Variants in MYOF observed in about 807,000 individuals in gnomAD.
MYOF encodes the protein fer-1-like 3, myoferlin.
A neutral mutation model predicts 284.2 loss-of-function variants in MYOF; 244 were observed. The observed-to-expected ratio is 0.86, with a 90% CI of 0.77 to 0.95. MYOF has a LOEUF of 0.95. Ranked by LOEUF, MYOF falls within the 40% of genes least tolerant of loss-of-function variation. The pLI is 0.00. For synonymous variants in MYOF, 904 were observed against 919.7 expected, an observed-to-expected ratio of 0.98 and a Z score of 0.31; for missense variants, 2,496 against 2,560.6, an observed-to-expected ratio of 0.97 and a Z score of 0.54.
intron 9 of MYOF, among the ~76,000 whole-genome samples, chr10:93,403,822 C>CA (rs1320669122): frequency 6.6e-6 from 1 of 152,158 alleles, no homozygotes; most frequent in African/African-American, 2.4e-5. Flanking sequence ...ATGGCAGCTT[C>CA]AGGGCATCTT....
At chr10:93,412,554 C>G (rs563716984) in intron 5 of MYOF, among the ~76,000 whole-genome samples, 1 of 152,278 alleles carries the variant, frequency 6.6e-6, no homozygotes, top group East Asian at 1.9e-4. Flanking sequence ...GTCCCGCTCT[C>G]TCCTACCCGC....
chr10:93,358,758 T>A (rs1049279317), intron 29 of MYOF, among the ~76,000 whole-genome samples: 1 of 152,080 alleles, frequency 6.6e-6, no homozygotes, highest in African/African-American at 2.4e-5. Context: ...ATGAGAACAC[T>A]TGGACACAGG....
rs376900801 is a variant in MYOF, at chr10:93,349,804, G to C, written c.4083+4C>G. ...TGGGTGATCACAGAGAATCGATACTGTACCACTTTCATGAAGAGAACAGAA... is the reference window on the plus strand; with the variant it reads ...TGGGTGATCACAGAGAATCGATACTCTACCACTTTCATGAAGAGAACAGAA... On this transcript the variant is annotated splice_donor_region_variant and intron_variant, in intron 36 of 53. Transcript: ENST00000359263. 4.1e-5 allele frequency: 66 copies of C among 1,613,864 alleles called. No homozygotes were observed. Among genetic ancestry groups the C allele is most frequent in the Non-Finnish European group, 5.1e-5 (60 of 1,179,924 alleles).
chr10:93,362,637 G>A (rs1845131036), intron 27 of MYOF, among the ~76,000 whole-genome samples: 1 of 152,086 alleles, frequency 6.6e-6, no homozygotes, highest in African/African-American at 2.4e-5. Context: ...ATTGACTTAA[G>A]TTTGCATAAA....
chr10:93,308,617 C>T (rs12242553), intron 53 of MYOF, among the ~76,000 whole-genome samples: 9,468 of 150,434 alleles, frequency 0.063, 976 homozygotes, highest in African/African-American at 0.21. Flanking sequence ...TGACCAGCTA[C>T]GACTGTATAA....
chr10:93,362,513 G>C (rs781657808), intron 27 of MYOF, among the ~76,000 whole-genome samples: 3 of 152,158 alleles, frequency 2.0e-5, no homozygotes, highest in Non-Finnish European at 2.9e-5. Context: ...CCGAAGTGCT[G>C]GGATTACAGG....
chr10:93,375,146 G>A (rs1845778103), intron 22 of MYOF, among the ~76,000 whole-genome samples, 191 bp from the exon 23 acceptor site: 1 of 152,186 alleles, frequency 6.6e-6, no homozygotes, highest in African/African-American at 2.4e-5. Context: ...AGACCTGCCG[G>A]TCTCTTGATG....
intron 1 of MYOF, among the ~76,000 whole-genome samples, chr10:93,467,582 T>C (rs2057040840): frequency 6.6e-6 from 1 of 152,102 alleles, no homozygotes; most frequent in Non-Finnish European, 1.5e-5. Context: ...CTCAGGGATC[T>C]AGAACTAGAA....
chr10:93,404,711 G>A (rs1847473390), intron 7 of MYOF, among the ~76,000 whole-genome samples: 1 of 151,444 alleles, frequency 6.6e-6, no homozygotes, highest in African/African-American at 2.4e-5. Flanking sequence ...ATCAAAATGA[G>A]CGCTTAGAGC....
At chr10:93,453,917 T>G (rs1268958347) in intron 2 of MYOF, among the ~76,000 whole-genome samples, 1 of 151,994 alleles carries the variant, frequency 6.6e-6, no homozygotes, top group African/African-American at 2.4e-5. Context: ...GCGCAGTGGC[T>G]CATGCCTGTA....
intron 5 of MYOF, among the ~76,000 whole-genome samples, chr10:93,422,975 C>G (rs1848419549): frequency 6.6e-6 from 1 of 151,870 alleles, no homozygotes; most frequent in Admixed American, 6.6e-5. Context: ...TATTTTGGCT[C>G]TTGGAATGGA....
chr10:93,324,963 A>G (rs1209839012), intron 46 of MYOF, among the ~76,000 whole-genome samples: 1 of 152,002 alleles, frequency 6.6e-6, no homozygotes, highest in Non-Finnish European at 1.5e-5. Context: ...TATTTTTAGT[A>G]GAGACAGGGT....
At chr10:93,457,568 T>C (rs2056772731) in intron 1 of MYOF, among the ~76,000 whole-genome samples, 1 of 152,186 alleles carries the variant, frequency 6.6e-6, no homozygotes, top group Admixed American at 6.6e-5. Flanking sequence ...GCCTGGACAG[T>C]ACACCTACCT....
At chr10:93,379,660 G>A (rs1182370554) in intron 21 of MYOF, among the ~76,000 whole-genome samples, 2 of 152,124 alleles carry the variant, frequency 1.3e-5, no homozygotes, top group Non-Finnish European at 1.5e-5. Context: ...CAGAGCAACC[G>A]GGGGTAAGAG....
At chr10:93,448,474 T>C (rs74150240) in intron 3 of MYOF, among the ~76,000 whole-genome samples, 8,676 of 152,278 alleles carry the variant, frequency 0.057, 673 homozygotes, top group African/African-American at 0.17. Context: ...TTAGTGTATT[T>C]GTTTATTTTC....
chr10:93,310,657 G>C lies in MYOF; in HGVS notation c.5890-14C>G, dbSNP rs1178897163. The C allele has an allele frequency of 1.9e-6, 3 of 1,612,332 alleles. No homozygotes were observed. Among genetic ancestry groups the C allele is most frequent in the Non-Finnish European group, 2.5e-6 (3 of 1,178,478 alleles). On this transcript the variant is annotated splice_polypyrimidine_tract_variant and intron_variant, in intron 51 of 53. Transcript: ENST00000359263. ...CTCCACTTTCCCCTTCAGTAAAGCA[G>C]AGCAGGTTAAACATATGACATCATG...
intron 1 of MYOF, among the ~76,000 whole-genome samples, chr10:93,463,417 T>TTTG (rs1489289411): frequency 6.7e-6 from 1 of 148,708 alleles, no homozygotes; most frequent in African/African-American, 2.5e-5. Context: ...TTTTTTTTTT[T>TTTG]GAGAGGGAGT....
At chr10:93,481,775 G>A (rs993128964) in intron 1 of MYOF, among the ~76,000 whole-genome samples, 146 of 152,144 alleles carry the variant, frequency 9.6e-4, no homozygotes, top group Non-Finnish European at 4.1e-4. Flanking sequence ...GAGAAAAAAT[G>A]CATCTAAGAC....
At chr10:93,378,176 C>A (rs1388946853) in intron 21 of MYOF, among the ~76,000 whole-genome samples, 1 of 152,126 alleles carries the variant, frequency 6.6e-6, no homozygotes, top group East Asian at 1.9e-4. Flanking sequence ...TTCCATTGAG[C>A]ACCTGCCAAC....
Sources: allele counts gnomAD v4.1 joint callset (sites outside exome capture counted in the v4.1 genomes callset), GRCh38; gene constraint gnomAD v4.1.1; transcripts MANE v1.5; gene names NCBI Gene and HGNC (gene_info 2026-07-23, HGNC 2026-07-21).